Variants in TRIO observed in about 807,000 individuals in gnomAD.
The protein encoded by TRIO is trio Rho guanine nucleotide exchange factor.
A neutral mutation model predicts 351.9 loss-of-function variants in TRIO; 58 were observed. The ratio of observed to expected loss-of-function variants is 0.16; its 90% CI spans 0.13 to 0.21. The LOEUF (loss-of-function observed/expected upper bound fraction) is 0.21. Among genes scored for constraint, TRIO ranks in the 10% least tolerant of loss-of-function variants. The pLI, the probability that TRIO is intolerant of heterozygous loss-of-function variation, is 1.00. For missense variants in TRIO, 3,201 were observed against 4,027.8 expected (o/e 0.79, Z 5.56); for synonymous variants, 1,758 against 1,595.7 (o/e 1.10, Z -2.42).
chr5:14,418,812 A>G (rs1749859938), intron 33 of TRIO: 1 of 152,566 alleles, frequency 6.6e-6, no homozygotes, highest in African/African-American at 2.4e-5. Flanking sequence ...TGTAGAAAAA[A>G]CAATGAAAAG....
Position 14,297,271 on chromosome 5 carries a change from C to T in TRIO, c.1368+8C>T. Reference sequence around the variant, plus strand: ...CACCAGAAGGCCGAAAAGGTCAGTGCCTTGAACCCCCAGCCCACGAGGTGG... The same window carrying T: ...CACCAGAAGGCCGAAAAGGTCAGTGTCTTGAACCCCCAGCCCACGAGGTGG... On this transcript the variant is annotated splice_region_variant and intron_variant, in intron 7 of 56. Coordinates refer to ENST00000344204, the MANE Select transcript of TRIO (RefSeq NM_007118.4). The T allele has an allele frequency of 1.9e-6, 3 of 1,611,498 alleles. No homozygotes were observed. The highest frequency in any genetic ancestry group is 2.2e-5 in the East Asian group (1 of 44,780).
At chr5:14,177,446 C>T (rs1364240406) in intron 1 of TRIO, among the ~76,000 whole-genome samples, 2 of 152,162 alleles carry the variant, frequency 1.3e-5, no homozygotes, top group Non-Finnish European at 2.9e-5. Flanking sequence ...CTCTGAAACG[C>T]ACCATCCTAG....
chr5:14,235,436 T>C (rs1297707707), intron 1 of TRIO, among the ~76,000 whole-genome samples: 1 of 152,216 alleles, frequency 6.6e-6, no homozygotes, highest in Non-Finnish European at 1.5e-5. Context: ...TCTTCTAGTT[T>C]CATGTTTGAC....
intron 1 of TRIO, among the ~76,000 whole-genome samples, chr5:14,155,798 T>C (rs1788067917): frequency 6.6e-6 from 1 of 152,228 alleles, no homozygotes; most frequent in South Asian, 2.1e-4. Flanking sequence ...TGCAGGTCTC[T>C]CCACCCTATT....
At chr5:14,275,969 T>C (rs1207705061) in intron 2 of TRIO, among the ~76,000 whole-genome samples, 1 of 148,246 alleles carries the variant, frequency 6.7e-6, no homozygotes, top group Non-Finnish European at 1.5e-5. Context: ...TACATATATA[T>C]ACATACATAT....
intron 11 of TRIO, among the ~76,000 whole-genome samples, chr5:14,356,231 T>C (rs1052037190): frequency 2.6e-5 from 4 of 152,192 alleles, no homozygotes; most frequent in African/African-American, 9.7e-5. Context: ...AGTGAACAAA[T>C]TGTAGTATGG....
At chr5:14,184,157 C>T (rs779505044) in intron 1 of TRIO, among the ~76,000 whole-genome samples, 17 of 152,140 alleles carry the variant, frequency 1.1e-4, no homozygotes, top group Non-Finnish European at 1.9e-4. Context: ...CGGCTAGTAA[C>T]GAAACGCCTT....
chr5:14,418,572 G>T (rs990725420), intron 33 of TRIO, among the ~76,000 whole-genome samples: 1 of 152,170 alleles, frequency 6.6e-6, no homozygotes, highest in Non-Finnish European at 1.5e-5. Context: ...AGAGATTTAG[G>T]GGGTGGGAGG....
intron 1 of TRIO, among the ~76,000 whole-genome samples, chr5:14,228,697 G>C (rs1793203306): frequency 6.6e-6 from 1 of 152,074 alleles, no homozygotes; most frequent in African/African-American, 2.4e-5. Context: ...TGTACTTATT[G>C]GACTATTTTG....
In TRIO at chr5:14,476,832, C is replaced by G. The variant is rs191759805; in HGVS notation, c.6084-62C>G. 558 of 1,402,834 alleles carry G rather than the reference C, an allele frequency of 4.0e-4. No individual in the cohort carries two copies. In the African/African-American group the frequency reaches 7.0e-3, roughly 18 times the overall value. 86.9% of individuals were successfully genotyped at this position (1,402,834 alleles called of 1,614,324 possible). ...AAAAAGAAAAAGAAAAAATGTAAACCTAAATCTAAAATTAGAAGGCCACAC... is the reference window on the plus strand; with the variant it reads ...AAAAAGAAAAAGAAAAAATGTAAACGTAAATCTAAAATTAGAAGGCCACAC... On this transcript the variant is annotated intron_variant, in intron 40 of 56. Coordinates refer to ENST00000344204, the MANE Select transcript of TRIO (RefSeq NM_007118.4).
chr5:14,271,039 C>T, intron 2 of TRIO, 140 bp downstream of exon 2: 1 of 660,394 alleles, frequency 1.5e-6, no homozygotes, highest in Non-Finnish European at 2.6e-6. Context: ...ATTCTTGTAG[C>T]ACTGTTTCTG....
intron 8 of TRIO, among the ~76,000 whole-genome samples, chr5:14,309,630 A>G (rs1581587991): frequency 1.3e-5 from 2 of 152,186 alleles, no homozygotes; most frequent in African/African-American, 4.8e-5. Flanking sequence ...ACTGATGCCA[A>G]TGGTACACAG....
chr5:14,474,645 C>G (rs1754917110), intron 40 of TRIO, among the ~76,000 whole-genome samples: 1 of 152,144 alleles, frequency 6.6e-6, no homozygotes, highest in African/African-American at 2.4e-5. Flanking sequence ...TGAAGACACT[C>G]ATTTGTCCAA....
At chr5:14,387,333 T>G in intron 21 of TRIO, 105 bp from the exon 22 acceptor site, 1 of 1,204,584 alleles carries the variant, frequency 8.3e-7, no homozygotes, top group Non-Finnish European at 1.2e-6. Context: ...CATCAGCCGG[T>G]TTTCCTGTTC....
rs923413413 is a variant in TRIO, at chr5:14,276,192, T to A, written c.233-4130T>A. ...TTCTTCATGGTCTAGTTTTGCAGAG[T>A]ACTGCATTTCCCCGGAAGAGAAGGG... On this transcript the variant is annotated intron_variant, in intron 2 of 56. Transcript: ENST00000344204. Among the ~76,000 whole-genome samples the A allele has an allele frequency of 2.6e-5, 4 of 152,160 alleles. No homozygotes were observed. The East Asian group carries it at 7.7e-4, about 29-fold the overall frequency.
chr5:14,274,136 G>A (rs1236888766), intron 2 of TRIO, among the ~76,000 whole-genome samples: 3 of 152,150 alleles, frequency 2.0e-5, no homozygotes, highest in Admixed American at 6.5e-5. Context: ...AAACCCGATA[G>A]GTATTCAAAT....
rs1158217099 is a variant in TRIO at position 14,480,411 on chromosome 5, C to G, written c.6336+400C>G. On this transcript the variant is annotated intron_variant, in intron 43 of 56. Transcript: ENST00000344204. ...TAAAAGTGAATTTTTTTTCCCCCAC[C>G]ACAGACCTTGGAATGCTAATGATTT... Among the ~76,000 whole-genome samples the G allele has an allele frequency of 3.9e-5, 6 of 152,142 alleles. No homozygotes were observed. In the Middle Eastern group the frequency reaches 0.01, roughly 259 times the overall value.
At chr5:14,432,885 G>A (rs768556882) in intron 34 of TRIO, among the ~76,000 whole-genome samples, 1 of 152,068 alleles carries the variant, frequency 6.6e-6, no homozygotes, top group Non-Finnish European at 1.5e-5. Flanking sequence ...TCAGCTCCCC[G>A]CCACCATCAA....
At chr5:14,185,512 C>T (rs1790053727) in intron 1 of TRIO, among the ~76,000 whole-genome samples, 1 of 152,168 alleles carries the variant, frequency 6.6e-6, no homozygotes, top group Non-Finnish European at 1.5e-5. Context: ...CTGGAGCTGG[C>T]TGGATCCCTT....
Sources: gnomAD v4.1 joint callset for allele counts (sites outside exome capture counted in the v4.1 genomes callset) on GRCh38, gnomAD v4.1.1 for gene constraint, MANE v1.5 for transcripts, NCBI Gene and HGNC (gene_info 2026-07-23, HGNC 2026-07-21) for gene names.